The following RABGAP1 variants were observed in gnomAD, a reference collection of about 807,000 sequenced individuals.
The protein encoded by RABGAP1 is rab GTPase-activating protein 1.
Under a neutral mutation model 137.6 loss-of-function variants are expected in RABGAP1, and 23 were observed. That is an observed-to-expected ratio of 0.17 (90% CI 0.12 to 0.24). RABGAP1 has a LOEUF of 0.24. Among genes scored for constraint, RABGAP1 ranks in the 10% least tolerant of loss-of-function variants. The pLI is 1.00. For synonymous variants in RABGAP1, 451 were observed against 450.7 expected (o/e 1.00, Z -0.01); for missense variants, 906 against 1,275.8 (o/e 0.71, Z 4.42).
chr9:122,964,506 A>T lies in RABGAP1; in HGVS notation c.150+7297A>T, dbSNP rs1360942185. Among the ~76,000 whole-genome samples the T allele has an allele frequency of 1.3e-5, 2 of 152,222 alleles. 1 individual carries two copies. On this transcript the variant is annotated intron_variant, in intron 2 of 25. Transcript: ENST00000373647. ...TAGATGCAGAAAAAGCATTTGACGA[A>T]AATCTAACACCATTTCATGAAAAAA... is the stretch of plus-strand genomic sequence containing the variant.
intron 1 of RABGAP1, among the ~76,000 whole-genome samples, chr9:122,950,657 CTT>C (rs2131601558): frequency 6.6e-6 from 1 of 152,164 alleles, no homozygotes; most frequent in East Asian, 1.9e-4. Flanking sequence ...TAAGGAGTGT[CTT>C]TTATTCCTCA....
At chr9:122,966,727 C>T (rs1331255376) in intron 2 of RABGAP1, among the ~76,000 whole-genome samples, 1 of 152,078 alleles carries the variant, frequency 6.6e-6, no homozygotes. Context: ...ACTTCGTTTT[C>T]ACACTGCTGA....
At chr9:123,051,814 C>T (rs528598518) in intron 13 of RABGAP1, among the ~76,000 whole-genome samples, 2 of 150,904 alleles carry the variant, frequency 1.3e-5, no homozygotes, top group East Asian at 3.9e-4. Flanking sequence ...TTTTATGAGA[C>T]GGAGCCTTGC....
At chr9:123,096,135 C>T (rs935526109) in intron 21 of RABGAP1, among the ~76,000 whole-genome samples, 2 of 151,302 alleles carry the variant, frequency 1.3e-5, no homozygotes, top group African/African-American at 4.8e-5. Context: ...CTGTCGCTTC[C>T]TGAGAGAGCA....
At chr9:122,983,442 A>G (rs1588211872) in intron 2 of RABGAP1, among the ~76,000 whole-genome samples, 1 of 152,332 alleles carries the variant, frequency 6.6e-6, no homozygotes, top group East Asian at 1.9e-4. Flanking sequence ...TCTTTTTCTC[A>G]ATTATAATTT....
At chr9:122,958,428 A>G (rs925384348) in intron 2 of RABGAP1, among the ~76,000 whole-genome samples, 1 of 152,166 alleles carries the variant, frequency 6.6e-6, no homozygotes, top group Admixed American at 6.5e-5. Context: ...ACAAAACAGG[A>G]TATGTGGATA....
intron 13 of RABGAP1, among the ~76,000 whole-genome samples, chr9:123,030,489 C>T (rs952017499): frequency 1.6e-4 from 25 of 152,136 alleles, no homozygotes; most frequent in East Asian, 3.9e-4. Context: ...GTTACTCAGC[C>T]TTCAAAGTAA....
At chr9:122,934,542 G>T in the RABGAP1 span, among the ~76,000 whole-genome samples, 1 of 151,750 alleles carries the variant, frequency 6.6e-6, no homozygotes, top group Non-Finnish European at 1.5e-5. Flanking sequence ...TCACTCTGTT[G>T]CCCAGGCTGG....
At chr9:123,021,110 C>T (rs2031599911) in intron 13 of RABGAP1, among the ~76,000 whole-genome samples, 1 of 152,062 alleles carries the variant, frequency 6.6e-6, no homozygotes, top group Non-Finnish European at 1.5e-5. Context: ...AAGTGTTTAT[C>T]TTCAGGAAGC....
At chr9:122,936,370 C>T (rs1408162044), upstream of RABGAP1, among the ~76,000 whole-genome samples, 1 of 152,142 alleles carries the variant, frequency 6.6e-6, no homozygotes, top group Non-Finnish European at 1.5e-5. Flanking sequence ...AAGGAATCCA[C>T]CTCTCCACCT....
chr9:122,953,721 T>G (rs889818065), intron 1 of RABGAP1, among the ~76,000 whole-genome samples: 12 of 152,168 alleles, frequency 7.9e-5, no homozygotes, highest in Non-Finnish European at 1.6e-4. Context: ...TTAACTTAGG[T>G]ATTTCTTAAC....
In RABGAP1 at chr9:123,104,012, T is replaced by TAA. The variant is rs867609871; in HGVS notation, c.*801_*802dup. On this transcript the variant is annotated 3_prime_UTR_variant, in exon 26 of 26. Transcript: ENST00000373647. Reference sequence around the variant, plus strand: ...GTGTGTGTGTATGTATATATATATATAAATATCTTTCCCAATATGCCCCGT... The same window carrying TAA: ...GTGTGTGTGTATGTATATATATATATAAAAATATCTTTCCCAATATGCCCCGT... The TAA allele has an allele frequency of 2.6e-5, 4 of 151,520 alleles. No individual in the cohort carries two copies. Among genetic ancestry groups the TAA allele is most frequent in the African/African-American group, 4.9e-5 (2 of 41,140 alleles). 9.4% of individuals were successfully genotyped at this position (151,520 alleles called of 1,614,324 possible).
intron 4 of RABGAP1, among the ~76,000 whole-genome samples, chr9:122,988,047 A>G (rs1019671542): frequency 6.6e-6 from 1 of 152,192 alleles, no homozygotes; most frequent in African/African-American, 2.4e-5. Flanking sequence ...ACTATTTTGC[A>G]AAGACTCACA....
At chr9:122,982,683 A>G (rs972194173) in intron 2 of RABGAP1, among the ~76,000 whole-genome samples, 8 of 152,102 alleles carry the variant, frequency 5.3e-5, no homozygotes, top group Admixed American at 4.6e-4. Flanking sequence ...TTTCTTCTCC[A>G]GTTTTGAAAA....
At chr9:123,064,896 A>T (rs1301201862) in intron 13 of RABGAP1, among the ~76,000 whole-genome samples, 1 of 152,194 alleles carries the variant, frequency 6.6e-6, no homozygotes, top group Non-Finnish European at 1.5e-5. Context: ...GACAAATCCC[A>T]ATTAAGTAAC....
intron 7 of RABGAP1, 160 bp downstream of exon 7, chr9:122,996,311 C>T (rs959569999): frequency 2.3e-6 from 3 of 1,300,896 alleles, no homozygotes; most frequent in South Asian, 3.3e-5. Flanking sequence ...TTTGAAATAG[C>T]TACTATAAAT....
At chr9:123,021,782 C>T (rs968608148) in intron 13 of RABGAP1, among the ~76,000 whole-genome samples, 2 of 152,088 alleles carry the variant, frequency 1.3e-5, no homozygotes, top group African/African-American at 4.8e-5. Context: ...AATTGTTTAG[C>T]TAGTATTTAT....
chr9:122,977,548 A>T (rs577543231), intron 2 of RABGAP1, among the ~76,000 whole-genome samples: 4 of 152,198 alleles, frequency 2.6e-5, no homozygotes, highest in Non-Finnish European at 4.4e-5. Flanking sequence ...TCTACCAAAA[A>T]TACAAAAATC....
chr9:122,945,260 TG>T (rs1205755999), intron 1 of RABGAP1: 1 of 151,324 alleles, frequency 6.6e-6, no homozygotes, highest in Non-Finnish European at 1.5e-5. Context: ...GTAACAATAT[TG>T]GATAGACGTT....
Sources: gnomAD v4.1 joint callset for allele counts (sites outside exome capture counted in the v4.1 genomes callset) on GRCh38, gnomAD v4.1.1 for gene constraint, MANE v1.5 for transcripts, NCBI Gene and HGNC (gene_info 2026-07-23, HGNC 2026-07-21) for gene names.